ZNF521: variants seen among roughly 807,000 people sequenced by gnomAD.
ZNF521 encodes the protein zinc finger protein 521.
Under a neutral mutation model 105.5 loss-of-function variants are expected in ZNF521, and 14 were observed. That is an observed-to-expected ratio of 0.13 (90% CI 0.09 to 0.21). The LOEUF (loss-of-function observed/expected upper bound fraction) is 0.21, where lower values mean the gene tolerates loss of function less well. ZNF521 is among the 10% of genes least tolerant of loss of function. The probability of loss-of-function intolerance (pLI) is 1.00; values close to 1 mark genes in which losing one functional copy is unlikely to be tolerated. For missense variants in ZNF521, 1,233 were observed against 1,629.7 expected, an observed-to-expected ratio of 0.76 and a Z score of 4.19; for synonymous variants, 635 against 606.0, an observed-to-expected ratio of 1.05 and a Z score of -0.70.
chr18:25,125,793 A>G (rs1376432991), intron 5 of ZNF521, among the ~76,000 whole-genome samples: 8 of 151,930 alleles, frequency 5.3e-5, no homozygotes, highest in Non-Finnish European at 1.2e-4. Context: ...TATTTCCAAG[A>G]AATAAACTTG....
intron 4 of ZNF521, among the ~76,000 whole-genome samples, chr18:25,216,405 A>G (rs547992120): frequency 6.6e-6 from 1 of 152,344 alleles, no homozygotes; most frequent in East Asian, 1.9e-4. Context: ...ACCTATACCC[A>G]TATGTATTAG....
intron 5 of ZNF521, among the ~76,000 whole-genome samples, chr18:25,112,597 C>T (rs563430846): frequency 8.5e-5 from 13 of 152,324 alleles, no homozygotes; most frequent in Middle Eastern, 3.4e-3. Context: ...TCTGCATACA[C>T]TTAATGTATG....
intron 3 of ZNF521, among the ~76,000 whole-genome samples, chr18:25,235,344 T>C (rs1906815598): frequency 6.6e-6 from 1 of 152,202 alleles, no homozygotes. Flanking sequence ...ACCAAGTTAA[T>C]CATTAGTGAT....
At chr18:25,064,433 C>T (rs988231089) in intron 7 of ZNF521, among the ~76,000 whole-genome samples, 28 of 152,200 alleles carry the variant, frequency 1.8e-4, no homozygotes, top group African/African-American at 5.8e-4. Flanking sequence ...ATGCAAGGTA[C>T]GTTTGCAGAC....
chr18:25,103,756 G>A (rs1339298578), intron 5 of ZNF521, among the ~76,000 whole-genome samples: 2 of 137,770 alleles, frequency 1.5e-5, no homozygotes, highest in African/African-American at 5.2e-5. Context: ...AAGAGAGAAG[G>A]AGTAAGGGAG....
At chr18:25,302,494 G>A (rs995441177) in intron 3 of ZNF521, among the ~76,000 whole-genome samples, 4 of 152,202 alleles carry the variant, frequency 2.6e-5, no homozygotes. Context: ...CCTGGAAAGT[G>A]GAGTTCCCAC....
At chr18:25,221,618 T>G (rs897582714) in intron 4 of ZNF521, among the ~76,000 whole-genome samples, 1 of 152,220 alleles carries the variant, frequency 6.6e-6, no homozygotes, top group African/African-American at 2.4e-5. Context: ...AGTCCTTCAA[T>G]TGCTACCTAG....
At chr18:25,248,166 G>C (rs569116179) in intron 3 of ZNF521, among the ~76,000 whole-genome samples, 3 of 152,204 alleles carry the variant, frequency 2.0e-5, no homozygotes, top group Non-Finnish European at 4.4e-5. Context: ...ACGTCTGATA[G>C]GAAGGTTAAA....
rs184397717 is a variant in ZNF521, at chr18:25,288,038, C to T, written c.220+33970G>A. On this transcript the variant is annotated intron_variant, in intron 3 of 7. Coordinates refer to ENST00000361524, the MANE Select transcript of ZNF521 (RefSeq NM_015461.3). The stretch of plus-strand genomic sequence containing the variant: ...CAGAAAAGATATAATACTGAAAATG[C>T]CCCCCCAATAGTTTCAGCAACAAGA... Among the ~76,000 whole-genome samples the T allele has an allele frequency of 1.2e-3, 182 of 151,454 alleles. 1 individual carries two copies. Among genetic ancestry groups the T allele is most frequent in the African/African-American group, 4.2e-3 (173 of 41,366 alleles).
At chr18:25,213,414 A>C (rs929849094) in intron 4 of ZNF521, among the ~76,000 whole-genome samples, 2 of 151,832 alleles carry the variant, frequency 1.3e-5, no homozygotes, top group Non-Finnish European at 2.9e-5. Context: ...AATATAATTT[A>C]TCTCTTTTAA....
chr18:25,073,382 C>T (rs1272424418), intron 7 of ZNF521, among the ~76,000 whole-genome samples: 1 of 152,202 alleles, frequency 6.6e-6, no homozygotes, highest in African/African-American at 2.4e-5. Flanking sequence ...ATCACTTGGT[C>T]AAGATCTCAG....
chr18:25,178,245 T>C (rs928837186), intron 5 of ZNF521, among the ~76,000 whole-genome samples: 9 of 152,334 alleles, frequency 5.9e-5, no homozygotes, highest in Middle Eastern at 3.4e-3. Context: ...TCTAGAAATG[T>C]TGGAGGTTTC....
At chr18:25,112,285 G>A (rs1316285415) in intron 5 of ZNF521, among the ~76,000 whole-genome samples, 1 of 152,100 alleles carries the variant, frequency 6.6e-6, no homozygotes, top group East Asian at 1.9e-4. Flanking sequence ...CGTGACAAAG[G>A]GGCCTTCGGG....
At chr18:25,346,444 C>A (rs1345063770) in intron 2 of ZNF521, among the ~76,000 whole-genome samples, 3 of 152,120 alleles carry the variant, frequency 2.0e-5, no homozygotes, top group African/African-American at 7.2e-5. Flanking sequence ...CTAACACCTA[C>A]AATTTTTAGA....
chr18:25,318,984 C>T (rs1203735591), intron 3 of ZNF521, among the ~76,000 whole-genome samples: 4 of 151,414 alleles, frequency 2.6e-5, no homozygotes, highest in Non-Finnish European at 5.9e-5. Context: ...AGAAAAATTG[C>T]TGGCTGATTG....
At chr18:25,223,457 G>T (rs1336949823) in intron 4 of ZNF521, among the ~76,000 whole-genome samples, 1 of 152,030 alleles carries the variant, frequency 6.6e-6, no homozygotes, top group African/African-American at 2.4e-5. Context: ...CCAAACTGAA[G>T]GGAGAAGGAT....
intron 5 of ZNF521, among the ~76,000 whole-genome samples, chr18:25,189,919 A>C (rs2035788522): frequency 6.6e-6 from 1 of 152,192 alleles, no homozygotes; most frequent in African/African-American, 2.4e-5. Context: ...TCTATGAAAA[A>C]CAACACCCAG....
chr18:25,195,061 T>G (rs990799203), intron 5 of ZNF521, 99 bp downstream of exon 5: 1 of 960,486 alleles, frequency 1.0e-6, no homozygotes, highest in Non-Finnish European at 1.6e-6. Context: ...GGAAAAACAA[T>G]GATGGTTGAA....
chr18:25,303,518 G>C (rs577778153), intron 3 of ZNF521, among the ~76,000 whole-genome samples: 1 of 151,998 alleles, frequency 6.6e-6, no homozygotes, highest in African/African-American at 2.4e-5. Context: ...GGCTGGTCTC[G>C]AACTCCTGAT....
Sources: allele counts gnomAD v4.1 joint callset (sites outside exome capture counted in the v4.1 genomes callset), GRCh38; gene constraint gnomAD v4.1.1; transcripts MANE v1.5; gene names NCBI Gene and HGNC (gene_info 2026-07-23, HGNC 2026-07-21).